The following PTPRN2 variants were observed in gnomAD, a reference collection of about 807,000 sequenced individuals.
The protein encoded by PTPRN2 is receptor-type tyrosine-protein phosphatase N2.
A neutral mutation model predicts 118.8 loss-of-function variants in PTPRN2; 74 were observed. The ratio of observed to expected loss-of-function variants is 0.62; its 90% CI spans 0.52 to 0.76. PTPRN2 has a LOEUF of 0.76. PTPRN2 is among the 30% of genes least tolerant of loss of function. The pLI is 0.00. For synonymous variants in PTPRN2, 641 were observed against 608.0 expected, an observed-to-expected ratio of 1.05 and a Z score of -0.80; for missense variants, 1,481 against 1,394.4, an observed-to-expected ratio of 1.06 and a Z score of -0.99.
intron 1 of PTPRN2, among the ~76,000 whole-genome samples, chr7:158,506,610 C>T (rs1184697825): frequency 3.3e-5 from 5 of 151,806 alleles, no homozygotes; most frequent in South Asian, 2.1e-4. Flanking sequence ...TACAGGAGCC[C>T]CATGAACAGT....
At chr7:158,408,840 C>T (rs956029146) in intron 2 of PTPRN2, among the ~76,000 whole-genome samples, 3 of 151,368 alleles carry the variant, frequency 2.0e-5, no homozygotes, top group Non-Finnish European at 2.9e-5. Context: ...ACTGGACTCA[C>T]CCCAGTCATA....
chr7:158,337,721 C>T (rs1805954473), intron 2 of PTPRN2, among the ~76,000 whole-genome samples: 2 of 150,536 alleles, frequency 1.3e-5, no homozygotes, highest in African/African-American at 4.9e-5. Flanking sequence ...CTGACGCCCG[C>T]AGACGTCACT....
At chr7:158,161,850 C>A (rs922052379) in intron 6 of PTPRN2, among the ~76,000 whole-genome samples, 3 of 117,726 alleles carry the variant, frequency 2.5e-5, no homozygotes, top group Non-Finnish European at 3.8e-5. Flanking sequence ...TGATAAAGGA[C>A]CAATATCTAA....
chr7:157,952,617 C>T lies in PTPRN2; in HGVS notation c.1724-53880G>A, dbSNP rs369181693. On this transcript the variant is annotated intron_variant, in intron 11 of 22. Coordinates refer to ENST00000389418, the MANE Select transcript of PTPRN2 (RefSeq NM_002847.5). ...GTGAGGGAGCCATCATCTCATCTCA[C>T]GCCATGGAGACACAGGTGTGGCTTC... is the stretch of plus-strand genomic sequence containing the variant. Among the ~76,000 whole-genome samples, 259 of 152,184 alleles carry T rather than the reference C, an allele frequency of 1.7e-3. 1 individual carries two copies. The highest frequency in any genetic ancestry group is 5.3e-3 in the African/African-American group (221 of 41,524).
intron 12 of PTPRN2, among the ~76,000 whole-genome samples, chr7:157,791,657 C>T (rs1804511161): frequency 6.6e-6 from 1 of 152,150 alleles, no homozygotes; most frequent in Non-Finnish European, 1.5e-5. Context: ...CTCCTAGTCA[C>T]CCTCTCGACC....
chr7:158,387,333 G>A (rs1358979673), intron 2 of PTPRN2, among the ~76,000 whole-genome samples: 1 of 152,210 alleles, frequency 6.6e-6, no homozygotes, highest in East Asian at 1.9e-4. Context: ...GTCAGGGAGG[G>A]CTCATCCTGC....
chr7:157,921,379 C>T (rs2128769929), intron 11 of PTPRN2, among the ~76,000 whole-genome samples: 1 of 152,302 alleles, frequency 6.6e-6, no homozygotes, highest in Admixed American at 6.5e-5. Context: ...GGAAACCACT[C>T]TGTTTGATGC....
Position 158,069,355 on chromosome 7 carries a change from C to T in PTPRN2, c.1723+11943G>A, listed in dbSNP as rs558442519. ...TGTGGGACTTACAGGTACATCACCA[C>T]GCTTGGCTAAATTTTTAAATATTTT... On this transcript the variant is annotated intron_variant, in intron 11 of 22. Coordinates refer to ENST00000389418, the MANE Select transcript of PTPRN2 (RefSeq NM_002847.5). Among the ~76,000 whole-genome samples, 9 of 152,330 alleles carry T rather than the reference C, an allele frequency of 5.9e-5. No individual in the cohort carries two copies. In the South Asian group the frequency reaches 8.3e-4, roughly 14 times the overall value.
At chr7:158,316,171 C>G (rs143918622) in intron 3 of PTPRN2, among the ~76,000 whole-genome samples, 1,850 of 152,274 alleles carry the variant, frequency 0.012, 21 homozygotes, top group Non-Finnish European at 0.017. Flanking sequence ...CCTTGCTGGA[C>G]TAGACGCTTA....
chr7:157,927,900 C>A (rs749654028), intron 11 of PTPRN2, among the ~76,000 whole-genome samples: 1 of 152,028 alleles, frequency 6.6e-6, no homozygotes, highest in Admixed American at 6.6e-5. Context: ...CGCTTGTGGG[C>A]AATTCATGAA....
At chr7:158,314,077 C>A (rs1802092349) in intron 3 of PTPRN2, among the ~76,000 whole-genome samples, 1 of 152,138 alleles carries the variant, frequency 6.6e-6, no homozygotes, top group Non-Finnish European at 1.5e-5. Context: ...GGCACCCTGC[C>A]CCCGCCACAT....
At chr7:158,401,862 G>A (rs1293603092) in intron 2 of PTPRN2, among the ~76,000 whole-genome samples, 1 of 152,098 alleles carries the variant, frequency 6.6e-6, no homozygotes, top group Non-Finnish European at 1.5e-5. Context: ...AAGACAAAAC[G>A]AGAGCAGGGG....
chr7:158,285,345 T>C (rs1799699145), intron 3 of PTPRN2, among the ~76,000 whole-genome samples: 1 of 152,162 alleles, frequency 6.6e-6, no homozygotes, highest in South Asian at 2.1e-4. Context: ...AGGCCAAGCA[T>C]TGCTAACTAA....
rs140958044 is a variant in PTPRN2, at chr7:157,629,640, C to T, written c.2197-8131G>A. Reference sequence around the variant, plus strand: ...CGGATATGGGACGAGTGGAAACTGTCCTGGTGAAACTTCGTTCCTACAACG... The same window carrying T: ...CGGATATGGGACGAGTGGAAACTGTTCTGGTGAAACTTCGTTCCTACAACG... On this transcript the variant is annotated intron_variant, in intron 14 of 22. Coordinates refer to ENST00000389418, the MANE Select transcript of PTPRN2 (RefSeq NM_002847.5). The surrounding 1 kb of genome is among the most constrained non-coding windows in gnomAD (Gnocchi z 4.4). Among the ~76,000 whole-genome samples, 3,593 of 152,254 alleles carry T rather than the reference C, an allele frequency of 0.024. 72 individuals carry two copies. Among genetic ancestry groups the T allele is most frequent in the Non-Finnish European group, 0.036 (2,445 of 68,036 alleles).
In PTPRN2 at chr7:158,059,100, A is replaced by G. The variant is rs868136692; in HGVS notation, c.1723+22198T>C. The stretch of plus-strand genomic sequence containing the variant: ...CTGCAGCCACACTCCATCTGCCCAC[A>G]GTGAGACACCACTGCAGCCACACTC... On this transcript the variant is annotated intron_variant, in intron 11 of 22. Coordinates refer to ENST00000389418, the MANE Select transcript of PTPRN2 (RefSeq NM_002847.5). Among the ~76,000 whole-genome samples, 532 of 104,990 alleles carry G rather than the reference A, an allele frequency of 5.1e-3. 13 individuals carry two copies. The highest frequency in any genetic ancestry group is 9.9e-3 in the African/African-American group (212 of 21,308). 68.9% of individuals were successfully genotyped at this position (104,990 alleles called of 152,430 possible). A position where few individuals can be genotyped will look rare whatever the true frequency, so the allele number is the denominator to read the frequency against.
chr7:158,241,147 A>C (rs1795881384), intron 3 of PTPRN2, among the ~76,000 whole-genome samples: 1 of 152,258 alleles, frequency 6.6e-6, no homozygotes, highest in Non-Finnish European at 1.5e-5. Context: ...TTCAGTTACC[A>C]GGTGACTCTT....
chr7:158,387,771 C>A, intron 2 of PTPRN2, among the ~76,000 whole-genome samples: 1 of 152,248 alleles, frequency 6.6e-6, no homozygotes, highest in Middle Eastern at 3.4e-3. Flanking sequence ...CTGTAGATGG[C>A]GGCAACATGA....
At chr7:158,259,988 G>A in intron 3 of PTPRN2, among the ~76,000 whole-genome samples, 1 of 151,138 alleles carries the variant, frequency 6.6e-6, no homozygotes, top group Non-Finnish European at 1.5e-5. Context: ...GTACACATAT[G>A]TGAATGTGTT....
chr7:158,422,486 A>G (rs953505389), intron 2 of PTPRN2, among the ~76,000 whole-genome samples: 2 of 152,234 alleles, frequency 1.3e-5, no homozygotes, highest in African/African-American at 4.8e-5. Context: ...ATACTCTTAC[A>G]TGTCTCAAAG....
Sources: gnomAD v4.1 joint callset for allele counts (sites outside exome capture counted in the v4.1 genomes callset) on GRCh38, gnomAD v4.1.1 for gene constraint, Gnocchi (gnomAD v3.1) non-coding constraint, MANE v1.5 for transcripts, NCBI Gene and HGNC (gene_info 2026-07-23, HGNC 2026-07-21) for gene names.